Variants in CALB1 observed in about 807,000 individuals in gnomAD.
CALB1 encodes the protein calbindin 1.
CALB1 carries 16 observed loss-of-function variants against 46.7 expected under a neutral mutation model. That is an observed-to-expected ratio of 0.34 (90% CI 0.23 to 0.52). The LOEUF (loss-of-function observed/expected upper bound fraction) is 0.52, where lower values mean the gene tolerates loss of function less well. Ranked by LOEUF, CALB1 falls within the 20% of genes least tolerant of loss-of-function variation. The pLI is 0.95. For missense variants in CALB1, 224 were observed against 300.3 expected (o/e 0.75, Z 1.88); for synonymous variants, 90 against 112.8 (o/e 0.80, Z 1.28).
At chr8:90,062,380 CA>C (rs1814318929) in intron 9 of CALB1, 1 of 150,612 alleles carries the variant, frequency 6.6e-6, no homozygotes, top group South Asian at 2.1e-4. Context: ...GCAAAGGAAA[CA>C]ATCAACAGAG....
chr8:90,064,855 G>C (rs1814362929), intron 6 of CALB1, among the ~76,000 whole-genome samples: 1 of 151,808 alleles, frequency 6.6e-6, no homozygotes, highest in Admixed American at 6.6e-5. Context: ...TAGTGAATAA[G>C]GCAATAGTAA....
chr8:90,078,179 T>C, intron 3 of CALB1, 194 bp downstream of exon 3: 1 of 404,340 alleles, frequency 2.5e-6, no homozygotes, highest in Non-Finnish European at 4.4e-6. Context: ...AGGCCCTGGG[T>C]TAGGAATACT....
At chr8:90,070,415 A>G (rs1451740423) in intron 3 of CALB1, among the ~76,000 whole-genome samples, 1 of 152,226 alleles carries the variant, frequency 6.6e-6, no homozygotes, top group East Asian at 1.9e-4. Context: ...CTACCAAGTT[A>G]TAGAAAATAC....
At chr8:90,066,208 A>G (rs1814393751) in intron 5 of CALB1, among the ~76,000 whole-genome samples, 1 of 151,938 alleles carries the variant, frequency 6.6e-6, no homozygotes, top group Non-Finnish European at 1.5e-5. Context: ...TTTTACTGAG[A>G]CTTGATTGAT....
intron 2 of CALB1, among the ~76,000 whole-genome samples, chr8:90,081,153 C>T (rs1814724650): frequency 6.6e-6 from 1 of 151,868 alleles, no homozygotes; most frequent in Admixed American, 6.6e-5. Flanking sequence ...TTAATTTATG[C>T]CCAAAGGGAG....
At chr8:90,064,794 G>C (rs953462426) in intron 6 of CALB1, among the ~76,000 whole-genome samples, 7 of 151,678 alleles carry the variant, frequency 4.6e-5, no homozygotes, top group Non-Finnish European at 8.9e-5. Flanking sequence ...AAACCTTTTT[G>C]GTTGTTTTGA....
chr8:90,066,871 A>G (rs748154263), intron 5 of CALB1, among the ~76,000 whole-genome samples: 2 of 152,070 alleles, frequency 1.3e-5, no homozygotes, highest in Non-Finnish European at 2.9e-5. Context: ...AACTAGGCAG[A>G]TACTGTGCCC....
chr8:90,080,758 T>C (rs979374388), intron 2 of CALB1, among the ~76,000 whole-genome samples: 3 of 152,042 alleles, frequency 2.0e-5, no homozygotes, highest in Admixed American at 2.0e-4. Context: ...AGTTCTATAG[T>C]GCATTATAAT....
At chr8:90,081,434 G>A in intron 2 of CALB1, 1 of 976,646 alleles carries the variant, frequency 1.0e-6, no homozygotes, top group South Asian at 4.7e-5. Flanking sequence ...AGGACAAGAT[G>A]TTTTCTCATC....
In CALB1 at chr8:90,059,655, A is replaced by T. The variant is rs1303390987; in HGVS notation, c.*518T>A. ...AAACTAAATCTGTAATGAGACTGTT[A>T]ACTTCATAAAGCCACAATTAACTAT... On this transcript the variant is annotated 3_prime_UTR_variant, in exon 11 of 11. Coordinates refer to ENST00000265431, the MANE Select transcript of CALB1 (RefSeq NM_004929.4). The T allele has an allele frequency of 6.5e-6, 1 of 153,140 alleles. No homozygotes were observed. The highest frequency in any genetic ancestry group is 6.5e-5 in the Admixed American group (1 of 15,376). The allele number at this position is 153,140 out of a possible 1,614,324, so 9.5% of individuals were successfully genotyped here. A position where few individuals can be genotyped will look rare whatever the true frequency, so the allele number is the denominator to read the frequency against.
intron 3 of CALB1, among the ~76,000 whole-genome samples, chr8:90,069,930 G>C (rs1489383736): frequency 6.6e-6 from 1 of 151,044 alleles, no homozygotes; most frequent in Non-Finnish European, 1.5e-5. Context: ...ATGCCTCTAT[G>C]ACATTTTCCC....
At chr8:90,078,299 C>T in intron 3 of CALB1, 74 bp downstream of exon 3, 1 of 896,804 alleles carries the variant, frequency 1.1e-6, no homozygotes, top group Non-Finnish European at 1.8e-6. Flanking sequence ...CTATATCTTA[C>T]TTGACTTGAA....
chr8:90,075,715 T>G (rs1395384322), intron 3 of CALB1, among the ~76,000 whole-genome samples: 1 of 152,128 alleles, frequency 6.6e-6, no homozygotes, highest in Non-Finnish European at 1.5e-5. Flanking sequence ...TTCCCAATTA[T>G]TTTCAGAATT....
At chr8:90,066,249 T>C (rs1289582247) in intron 5 of CALB1, among the ~76,000 whole-genome samples, 1 of 152,002 alleles carries the variant, frequency 6.6e-6, no homozygotes, top group East Asian at 1.9e-4. Flanking sequence ...GACTTTATGA[T>C]TTCAATTAAC....
At chr8:90,063,009 T>TAC in intron 9 of CALB1, 91 bp downstream of exon 9, 1 of 816,720 alleles carries the variant, frequency 1.2e-6, no homozygotes, top group South Asian at 1.6e-5. Context: ...TAGTTTGCAG[T>TAC]ACTGTATTTT....
chr8:90,072,680 C>G (rs560063747), intron 3 of CALB1, among the ~76,000 whole-genome samples: 2 of 152,170 alleles, frequency 1.3e-5, no homozygotes, highest in South Asian at 2.1e-4. Flanking sequence ...CCAGCTGTAG[C>G]CTTTATGACT....
In CALB1 at chr8:90,082,705, C is replaced by A; in HGVS notation, c.-8G>T. 1 of 1,613,368 alleles carries A rather than the reference C, an allele frequency of 6.2e-7. No homozygotes were observed. The highest frequency in any genetic ancestry group is 8.5e-7 in the Non-Finnish European group (1 of 1,179,398). ...CAGGTGGGATTCTGCCATTGTACAG[C>A]GGGGTGTGTGTCTGGGTGTGTGAAT... On this transcript the variant is annotated 5_prime_UTR_variant, in exon 1 of 11. Coordinates refer to ENST00000265431, the MANE Select transcript of CALB1 (RefSeq NM_004929.4).
chr8:90,075,404 T>A (rs1344331827), intron 3 of CALB1, among the ~76,000 whole-genome samples: 1 of 152,190 alleles, frequency 6.6e-6, no homozygotes, highest in African/African-American at 2.4e-5. Context: ...AGTAAATCCA[T>A]CTTCCTTTCC....
At chr8:90,069,113 C>T in intron 4 of CALB1, 41 bp downstream of exon 4, 1 of 1,610,206 alleles carries the variant, frequency 6.2e-7, no homozygotes, top group Non-Finnish European at 8.5e-7. Context: ...AACAATTTTC[C>T]TACTTTAAGC....
Sources: gnomAD v4.1 joint callset for allele counts (sites outside exome capture counted in the v4.1 genomes callset) on GRCh38, gnomAD v4.1.1 for gene constraint, MANE v1.5 for transcripts, NCBI Gene and HGNC (gene_info 2026-07-23, HGNC 2026-07-21) for gene names.